OPCML: variants seen among roughly 807,000 people sequenced by gnomAD.
The protein encoded by OPCML is opioid binding protein/cell adhesion molecule like.
OPCML carries 13 observed loss-of-function variants against 37.8 expected under a neutral mutation model. The ratio of observed to expected loss-of-function variants is 0.34; its 90% CI spans 0.22 to 0.55. OPCML has a LOEUF of 0.55. OPCML is among the 20% of genes least tolerant of loss of function. The pLI is 0.91. For missense variants in OPCML, 341 were observed against 435.6 expected (o/e 0.78, Z 1.93); for synonymous variants, 176 against 168.8 (o/e 1.04, Z -0.33).
intron 4 of OPCML, among the ~76,000 whole-genome samples, chr11:132,451,382 CG>C (rs1157196048): frequency 2.1e-5 from 1 of 48,146 alleles, no homozygotes; most frequent in Non-Finnish European, 4.2e-5. Context: ...AGGGCTGGGG[CG>C]GGGGTGGGGG....
intron 3 of OPCML, among the ~76,000 whole-genome samples, chr11:132,548,377 C>T (rs911870767): frequency 1.3e-5 from 2 of 152,120 alleles, no homozygotes; most frequent in Non-Finnish European, 2.9e-5. Context: ...CCTATATCTG[C>T]CCCAGAACAA....
At chr11:133,510,909 A>ATG (rs1468338835) in intron 1 of OPCML, among the ~76,000 whole-genome samples, 8 of 151,702 alleles carry the variant, frequency 5.3e-5, no homozygotes, top group African/African-American at 1.7e-4. Context: ...ACACGCACAC[A>ATG]CACACACACA....
chr11:133,197,350 T>C (rs1049495610), intron 1 of OPCML, among the ~76,000 whole-genome samples: 1 of 152,200 alleles, frequency 6.6e-6, no homozygotes, highest in Non-Finnish European at 1.5e-5. Context: ...AATTCTTTGG[T>C]AAGAGATCAT....
At chr11:132,786,659 G>A (rs1212555532) in intron 2 of OPCML, among the ~76,000 whole-genome samples, 1 of 152,116 alleles carries the variant, frequency 6.6e-6, no homozygotes, top group South Asian at 2.1e-4. Flanking sequence ...GATTTAGATT[G>A]CTATAGTTTG....
chr11:133,497,575 G>T (rs973483819), intron 1 of OPCML, among the ~76,000 whole-genome samples: 4 of 133,488 alleles, frequency 3.0e-5, no homozygotes, highest in African/African-American at 1.4e-4. Context: ...CCAGCACAGT[G>T]TGAAAGTGAG....
At chr11:133,187,555 C>A (rs999194593) in intron 1 of OPCML, among the ~76,000 whole-genome samples, 1 of 152,048 alleles carries the variant, frequency 6.6e-6, no homozygotes, top group Non-Finnish European at 1.5e-5. Flanking sequence ...CCAACCCCTG[C>A]GCAACTTCTA....
At chr11:133,324,064 G>T (rs1943397405) in intron 1 of OPCML, among the ~76,000 whole-genome samples, 1 of 152,134 alleles carries the variant, frequency 6.6e-6, no homozygotes, top group Non-Finnish European at 1.5e-5. Context: ...GCCTCCCTGT[G>T]CCTCCCCACA....
At chr11:132,916,001 A>G (rs968309117) in intron 2 of OPCML, among the ~76,000 whole-genome samples, 2 of 152,114 alleles carry the variant, frequency 1.3e-5, no homozygotes, top group Non-Finnish European at 1.5e-5. Context: ...TTTCCTCTTA[A>G]TTACAAAACA....
intron 3 of OPCML, among the ~76,000 whole-genome samples, chr11:132,638,326 A>G (rs753045559): frequency 5.9e-5 from 9 of 151,938 alleles, no homozygotes; most frequent in Admixed American, 6.6e-5. Context: ...AATAGAAATC[A>G]CTATAGCTGG....
At chr11:132,676,403 G>A (rs914646413) in intron 2 of OPCML, among the ~76,000 whole-genome samples, 1 of 151,570 alleles carries the variant, frequency 6.6e-6, no homozygotes, top group Admixed American at 6.6e-5. Flanking sequence ...AACACCTAAA[G>A]TATAAGCAAC....
intron 3 of OPCML, among the ~76,000 whole-genome samples, chr11:132,537,512 TG>T (rs2096344018): frequency 6.6e-6 from 1 of 152,192 alleles, no homozygotes. Flanking sequence ...ATGTAGCCTT[TG>T]ATTAGGTGAT....
intron 7 of OPCML, 54 bp downstream of exon 7, chr11:132,436,032 C>T: frequency 6.3e-7 from 1 of 1,581,246 alleles, no homozygotes; most frequent in Non-Finnish European, 8.6e-7. Flanking sequence ...CTCCTGAGTC[C>T]CTCAAGCTTC....
intron 4 of OPCML, among the ~76,000 whole-genome samples, chr11:132,493,008 T>C (rs1418630441): frequency 1.3e-5 from 2 of 152,214 alleles, no homozygotes; most frequent in Non-Finnish European, 2.9e-5. Flanking sequence ...GGATGGATGA[T>C]TGACACATTC....
intron 4 of OPCML, among the ~76,000 whole-genome samples, chr11:132,516,077 G>T (rs192380678): frequency 1.3e-5 from 2 of 152,312 alleles, no homozygotes. Context: ...AAAAAAAAGT[G>T]ATTGGACACG....
chr11:132,638,186 T>TATATATATATAGAGAGAGAG lies in OPCML; in HGVS notation c.379+18900_379+18901insCTCTCTCTCTATATATATAT, dbSNP rs71067383. Among the ~76,000 whole-genome samples the TATATATATATAGAGAGAGAG allele has an allele frequency of 1.6e-4, 21 of 131,078 alleles. 1 individual carries two copies. Among genetic ancestry groups the TATATATATATAGAGAGAGAG allele is most frequent in the African/African-American group, 5.8e-4 (21 of 36,146 alleles). 86.0% of individuals were successfully genotyped at this position (131,078 alleles called of 152,430 possible). The stretch of plus-strand genomic sequence containing the variant: ...GACTATATATATATATATATATATA[T>TATATATATATAGAGAGAGAG]ACAGAGAGAGAGAGAGCATATATAC... On this transcript the variant is annotated intron_variant, in intron 3 of 7. Coordinates refer to ENST00000524381, the MANE Select transcript of OPCML (RefSeq NM_001012393.5).
chr11:133,393,577 T>C (rs868371170), intron 1 of OPCML, among the ~76,000 whole-genome samples: 5 of 152,196 alleles, frequency 3.3e-5, no homozygotes, highest in African/African-American at 1.2e-4. Context: ...AATTTGTAAC[T>C]GTCCAGAGAT....
chr11:132,670,255 C>T (rs189921374), intron 2 of OPCML, among the ~76,000 whole-genome samples: 432 of 152,136 alleles, frequency 2.8e-3, no homozygotes, highest in African/African-American at 9.7e-3. Context: ...TGAAGAATGG[C>T]GCAAGTCAGC....
chr11:133,018,480 T>C (rs1947380673), intron 1 of OPCML, among the ~76,000 whole-genome samples: 1 of 152,154 alleles, frequency 6.6e-6, no homozygotes, highest in Non-Finnish European at 1.5e-5. Context: ...GAAACACTAC[T>C]ACCAGCCTCC....
intron 1 of OPCML, among the ~76,000 whole-genome samples, chr11:133,506,119 T>C (rs1948027654): frequency 6.6e-6 from 1 of 152,232 alleles, no homozygotes; most frequent in South Asian, 2.1e-4. Flanking sequence ...CAGTAGCACC[T>C]GGACCCACAC....
Sources: allele counts gnomAD v4.1 joint callset (sites outside exome capture counted in the v4.1 genomes callset), GRCh38; gene constraint gnomAD v4.1.1; transcripts MANE v1.5; gene names NCBI Gene and HGNC (gene_info 2026-07-23, HGNC 2026-07-21).